Variants in CHST9 observed in about 807,000 individuals in gnomAD.
The protein encoded by CHST9 is GalNAc-4-sulfotransferase 2.
CHST9 carries 41 observed loss-of-function variants against 44.4 expected under a neutral mutation model. That is an observed-to-expected ratio of 0.92 (90% confidence interval 0.72 to 1.20). The LOEUF is 1.20. Ranked by LOEUF, CHST9 falls within the 50% of genes most tolerant of loss-of-function variation. The pLI is 0.00. For missense variants in CHST9, 504 were observed against 516.5 expected (o/e 0.98, Z 0.23); for synonymous variants, 171 against 178.4 (o/e 0.96, Z 0.33).
intron 4 of CHST9, among the ~76,000 whole-genome samples, chr18:26,989,476 G>C (rs1462947291): frequency 6.6e-6 from 1 of 152,198 alleles, no homozygotes. Flanking sequence ...ATACATTCTT[G>C]ATGGTAACAT....
intron 2 of CHST9, among the ~76,000 whole-genome samples, chr18:27,062,779 A>G (rs1393206153): frequency 6.6e-6 from 1 of 152,216 alleles, no homozygotes; most frequent in African/African-American, 2.4e-5. Flanking sequence ...TCCCACCAAC[A>G]GTGTAAAAGT....
intron 4 of CHST9, among the ~76,000 whole-genome samples, chr18:26,950,985 T>C (rs2145130269): frequency 6.6e-6 from 1 of 152,316 alleles, no homozygotes; most frequent in African/African-American, 2.4e-5. Context: ...ATAAAAAAAT[T>C]GACAAAGTTG....
In CHST9 at chr18:27,088,389, CT is replaced by C. The variant is rs35189657; in HGVS notation, c.122-39887del. ...TGTACTGCATTTCCAATTATTAACACTTTTTTTTTTTTTTTTGCTTTTTTGA... is the reference window on the plus strand; with the variant it reads ...TGTACTGCATTTCCAATTATTAACACTTTTTTTTTTTTTTTGCTTTTTTGA... On this transcript the variant is annotated intron_variant, in intron 2 of 5. Coordinates refer to ENST00000618847, the MANE Select transcript of CHST9 (RefSeq NM_031422.6). Among the ~76,000 whole-genome samples the C allele has an allele frequency of 5.8e-3, 794 of 137,252 alleles. 3 individuals are homozygous for C. Among genetic ancestry groups the C allele is most frequent in the Middle Eastern group, 7.5e-3 (2 of 268 alleles). 90.0% of individuals were successfully genotyped at this position (137,252 alleles called of 152,430 possible).
chr18:27,153,118 G>A (rs1165226530), intron 1 of CHST9, among the ~76,000 whole-genome samples: 1 of 152,142 alleles, frequency 6.6e-6, no homozygotes. Context: ...CTGCTCCTGT[G>A]TGTGGAAGTT....
intron 3 of CHST9, among the ~76,000 whole-genome samples, chr18:27,045,247 G>C (rs2057486556): frequency 6.6e-6 from 1 of 151,946 alleles, no homozygotes; most frequent in South Asian, 2.1e-4. Flanking sequence ...TTTTGGAAAT[G>C]TTGGAATATA....
intron 1 of CHST9, among the ~76,000 whole-genome samples, chr18:27,166,319 G>A (rs893592273): frequency 6.6e-6 from 1 of 152,106 alleles, no homozygotes; most frequent in East Asian, 1.9e-4. Context: ...TGATCTAGCT[G>A]TTGACCACCT....
intron 4 of CHST9, among the ~76,000 whole-genome samples, chr18:26,969,992 G>GT (rs1186681203): frequency 5.3e-5 from 8 of 152,142 alleles, no homozygotes; most frequent in Non-Finnish European, 7.4e-5. Flanking sequence ...TTACTTCTTT[G>GT]TTTCCTTTCC....
chr18:27,170,099 G>C (rs1057432374), intron 1 of CHST9, among the ~76,000 whole-genome samples: 2 of 152,200 alleles, frequency 1.3e-5, no homozygotes, highest in South Asian at 4.1e-4. Flanking sequence ...TGAAGAGAGA[G>C]AATGAGAGGA....
chr18:26,972,002 G>A (rs2056550770), intron 4 of CHST9, among the ~76,000 whole-genome samples: 1 of 152,152 alleles, frequency 6.6e-6, no homozygotes, highest in East Asian at 1.9e-4. Context: ...AGCAGAGTTT[G>A]GTGAGGAGGT....
At chr18:27,001,869 A>G (rs1456126581) in intron 4 of CHST9, among the ~76,000 whole-genome samples, 1 of 152,176 alleles carries the variant, frequency 6.6e-6, no homozygotes, top group Non-Finnish European at 1.5e-5. Flanking sequence ...CACCCACGGA[A>G]CAGAAGACAT....
At chr18:27,158,849 T>C (rs2058720348) in intron 1 of CHST9, among the ~76,000 whole-genome samples, 1 of 152,232 alleles carries the variant, frequency 6.6e-6, no homozygotes, top group African/African-American at 2.4e-5. Flanking sequence ...ATTTCTCTGA[T>C]GGCCAGTGAT....
intron 4 of CHST9, among the ~76,000 whole-genome samples, chr18:27,013,812 TGTCTTGACACA>T (rs1461648298): frequency 6.6e-6 from 1 of 152,232 alleles, no homozygotes; most frequent in Non-Finnish European, 1.5e-5. Flanking sequence ...TGAAAATTAA[TGTCTTGACACA>T]GTGCCTTTCA....
chr18:26,964,820 A>G (rs1397443720), intron 4 of CHST9, among the ~76,000 whole-genome samples: 1 of 152,180 alleles, frequency 6.6e-6, no homozygotes, highest in Admixed American at 6.5e-5. Context: ...TGCAGGATTG[A>G]CCCTGTGTTT....
chr18:27,104,328 T>C (rs571018243), intron 2 of CHST9, among the ~76,000 whole-genome samples: 3 of 152,258 alleles, frequency 2.0e-5, no homozygotes, highest in Non-Finnish European at 4.4e-5. Context: ...GATTGGCAGA[T>C]GCAAAATTTT....
chr18:26,990,513 C>CA (rs1428832202), intron 4 of CHST9, among the ~76,000 whole-genome samples: 5 of 152,148 alleles, frequency 3.3e-5, no homozygotes, highest in African/African-American at 1.2e-4. Context: ...GTTTCACTTC[C>CA]AAAAATAATC....
At chr18:27,181,651 T>C (rs546714810) in intron 1 of CHST9, among the ~76,000 whole-genome samples, 1 of 152,354 alleles carries the variant, frequency 6.6e-6, no homozygotes, top group East Asian at 1.9e-4. Flanking sequence ...ACATTCTTAT[T>C]TGATTTTCAG....
intron 4 of CHST9, among the ~76,000 whole-genome samples, chr18:26,983,499 T>C (rs1490252539): frequency 6.6e-6 from 1 of 152,104 alleles, no homozygotes; most frequent in African/African-American, 2.4e-5. Context: ...TCTTTGCCTT[T>C]TGCCATGAAA....
At chr18:27,109,762 C>T (rs139569800) in intron 2 of CHST9, among the ~76,000 whole-genome samples, 24 of 152,148 alleles carry the variant, frequency 1.6e-4, no homozygotes, top group South Asian at 6.2e-4. Flanking sequence ...AAATTGGTTC[C>T]GACAACTTTT....
intron 3 of CHST9, among the ~76,000 whole-genome samples, chr18:27,033,369 C>A (rs1033687124): frequency 6.6e-6 from 1 of 152,180 alleles, no homozygotes; most frequent in African/African-American, 2.4e-5. Context: ...CTTTCATACA[C>A]GCAGTTCAAG....
Sources: gnomAD v4.1 joint callset for allele counts (sites outside exome capture counted in the v4.1 genomes callset) on GRCh38, gnomAD v4.1.1 for gene constraint, MANE v1.5 for transcripts, NCBI Gene and HGNC (gene_info 2026-07-23, HGNC 2026-07-21) for gene names.